TENM2: variants seen among roughly 807,000 people sequenced by gnomAD.
TENM2 encodes teneurin-2.
A neutral mutation model predicts 245.2 loss-of-function variants in TENM2; 52 were observed. That is an observed-to-expected ratio of 0.21 (90% confidence interval 0.17 to 0.27). The LOEUF (loss-of-function observed/expected upper bound fraction) is 0.27. Ranked by LOEUF, TENM2 falls within the 10% of genes least tolerant of loss-of-function variation. The pLI is 1.00. For missense variants in TENM2, 3,046 were observed against 3,666.8 expected (o/e 0.83, Z 4.37); for synonymous variants, 1,363 against 1,438.9 (o/e 0.95, Z 1.19).
chr5:167,872,559 AAAG>A (rs1773068330), intron 2 of TENM2, among the ~76,000 whole-genome samples: 7 of 78,978 alleles, frequency 8.9e-5, no homozygotes, highest in South Asian at 5.7e-4. Flanking sequence ...AGAAAGAAAG[AAAG>A]AAAGAAAGAA....
At chr5:167,375,632 A>G (rs1258207188) in intron 2 of TENM2, among the ~76,000 whole-genome samples, 159 bp downstream of exon 4, 1 of 152,208 alleles carries the variant, frequency 6.6e-6, no homozygotes, top group Middle Eastern at 3.2e-3. Context: ...GTAAACCAGC[A>G]ACCCTCCAGC....
intron 2 of TENM2, among the ~76,000 whole-genome samples, chr5:167,608,758 T>A (rs1777237824): frequency 6.6e-6 from 1 of 152,200 alleles, no homozygotes; most frequent in Non-Finnish European, 1.5e-5. Flanking sequence ...ACATGATTTT[T>A]TTGGAGGGTT....
At position 167,320,993 on chromosome 5, in the gene TENM2, T is replaced by TAAGAACAA. The variant is rs1359072786; in HGVS notation, c.226+35930_226+35931insAAGAACAA. Among the ~76,000 whole-genome samples, 22 of 152,216 alleles carry TAAGAACAA rather than the reference T, an allele frequency of 1.4e-4. No homozygotes were observed. The South Asian group carries it at 4.4e-3, about 30-fold the overall frequency. ...GAACATACCTGCAATGCTGATTTCC[T>TAAGAACAA]GTTTTGTTCTTCCAAGTCACTTCCT... On this transcript the variant is annotated intron_variant, in intron 1 of 28. Coordinates refer to ENST00000518659, the Ensembl canonical transcript of TENM2.
chr5:168,057,656 AGTTT>A (rs201429482), intron 6 of TENM2, among the ~76,000 whole-genome samples: 1,917 of 152,168 alleles, frequency 0.013, 38 homozygotes, highest in African/African-American at 0.043. Flanking sequence ...CACCTCTCCC[AGTTT>A]GTTTGTTTGT....
intron 2 of TENM2, among the ~76,000 whole-genome samples, chr5:167,838,279 C>G (rs1461116503): frequency 6.6e-6 from 1 of 152,204 alleles, no homozygotes; most frequent in African/African-American, 2.4e-5. Context: ...AACAAATGTT[C>G]CAGCCGAGAT....
intron 5 of TENM2, among the ~76,000 whole-genome samples, chr5:167,995,663 G>A (rs959325973): frequency 3.7e-4 from 57 of 152,176 alleles, no homozygotes; most frequent in African/African-American, 1.3e-3. Context: ...TGCCTTCTGG[G>A]TCTTGGTTTC....
chr5:168,036,707 G>GTGTA (rs1562081574), intron 5 of TENM2, among the ~76,000 whole-genome samples: 7 of 114,192 alleles, frequency 6.1e-5, no homozygotes, highest in Non-Finnish European at 1.2e-4. Flanking sequence ...ATATGTATGT[G>GTGTA]TATATATATG....
At chr5:167,861,052 TAAA>T (rs397999860) in intron 2 of TENM2, among the ~76,000 whole-genome samples, 33 of 133,482 alleles carry the variant, frequency 2.5e-4, no homozygotes, top group East Asian at 2.4e-3. Flanking sequence ...AAAAAAAAAT[TAAA>T]AAAAAAAAAA....
At chr5:167,150,930 C>A in the TENM2 span, among the ~76,000 whole-genome samples, 7 of 152,106 alleles carry the variant, frequency 4.6e-5, no homozygotes, top group Non-Finnish European at 7.4e-5. Context: ...TTAATGTAAT[C>A]ATCACAACAA....
At chr5:167,724,360 TG>T (rs1759845815) in intron 2 of TENM2, among the ~76,000 whole-genome samples, 1 of 152,150 alleles carries the variant, frequency 6.6e-6, no homozygotes, top group Non-Finnish European at 1.5e-5. Context: ...AATCTCTTCA[TG>T]TATAAAACAG....
intron 2 of TENM2, among the ~76,000 whole-genome samples, chr5:167,775,660 G>T (rs1490836075): frequency 6.6e-6 from 1 of 152,012 alleles, no homozygotes; most frequent in African/African-American, 2.4e-5. Flanking sequence ...CCTACTCTGG[G>T]CACATTCTGT....
chr5:167,450,645 A>G (rs922625516), intron 2 of TENM2, among the ~76,000 whole-genome samples: 3 of 152,170 alleles, frequency 2.0e-5, no homozygotes, highest in Non-Finnish European at 4.4e-5. Flanking sequence ...AAAATAATGA[A>G]TGGAGGGAGG....
intron 13 of TENM2, among the ~76,000 whole-genome samples, chr5:168,166,946 G>A (rs183706580): frequency 2.5e-4 from 38 of 152,086 alleles, no homozygotes; most frequent in East Asian, 1.9e-3. Context: ...TCATGTGACC[G>A]CCACTCATGT....
chr5:167,843,871 T>A (rs1379344183), intron 2 of TENM2, among the ~76,000 whole-genome samples: 1 of 152,192 alleles, frequency 6.6e-6, no homozygotes, highest in Non-Finnish European at 1.5e-5. Flanking sequence ...CACTTGAAAT[T>A]GCTACTTTGT....
intron 2 of TENM2, among the ~76,000 whole-genome samples, chr5:167,702,633 GT>G (rs1199858388): frequency 1.4e-5 from 2 of 146,978 alleles, no homozygotes; most frequent in South Asian, 2.1e-4. Flanking sequence ...GTGTTTTTTT[GT>G]TTTTTTGTTT....
the TENM2 span, among the ~76,000 whole-genome samples, chr5:167,138,081 G>C: frequency 6.6e-6 from 1 of 152,302 alleles, no homozygotes; most frequent in South Asian, 2.1e-4. Context: ...TGCTTGAAAG[G>C]TAGGCACAGG....
At chr5:167,649,792 A>G (rs1281691701) in intron 2 of TENM2, among the ~76,000 whole-genome samples, 1 of 152,156 alleles carries the variant, frequency 6.6e-6, no homozygotes, top group African/African-American at 2.4e-5. Context: ...TTATATGTGA[A>G]TCCCCTGTCC....
rs189529532 is a variant in TENM2 at position 167,370,438 on chromosome 5, T to C, written c.227-4760T>C. 2.1e-3 allele frequency among the ~76,000 whole-genome samples: 318 copies of C among 150,844 alleles called. 1 individual carries two copies. Among genetic ancestry groups the C allele is most frequent in the African/African-American group, 7.5e-3 (308 of 41,108 alleles). On this transcript the variant is annotated intron_variant, in intron 1 of 28. Coordinates refer to ENST00000518659, the Ensembl canonical transcript of TENM2. ...AGAAAAGACAATTTAACGTCCAAGATATTTATCAAGAGAGTTATTTTAAGA... is the reference window on the plus strand; with the variant it reads ...AGAAAAGACAATTTAACGTCCAAGACATTTATCAAGAGAGTTATTTTAAGA...
At chr5:168,259,587 C>CA (rs1039178650) in intron 27 of TENM2, among the ~76,000 whole-genome samples, 7 of 150,464 alleles carry the variant, frequency 4.7e-5, no homozygotes, top group East Asian at 3.9e-4. Flanking sequence ...GACTCCATCT[C>CA]AAAAAAAAAG....
Sources: allele counts gnomAD v4.1 joint callset (sites outside exome capture counted in the v4.1 genomes callset), GRCh38; gene constraint gnomAD v4.1.1; transcripts MANE v1.5; gene names NCBI Gene and HGNC (gene_info 2026-07-23, HGNC 2026-07-21).